SLC71A1: variants seen among roughly 807,000 people sequenced by gnomAD.
SLC71A1 encodes the protein hippocampus abundant gene transcript 1.
At chr1:100,048,643 C>A in the SLC71A1 span, among the ~76,000 whole-genome samples, 1 of 152,140 alleles carries the variant, frequency 6.6e-6, no homozygotes, top group Admixed American at 6.5e-5. Flanking sequence ...TTTTCTTTAT[C>A]AAAGAAGAAA....
chr1:100,073,693 TACTC>T, the SLC71A1 span, among the ~76,000 whole-genome samples: 9 of 152,336 alleles, frequency 5.9e-5, no homozygotes, highest in South Asian at 6.2e-4. Flanking sequence ...TACTTTGACT[TACTC>T]ACCCATGCGT....
chr1:100,078,593 G>A, the SLC71A1 span: 3 of 1,310,914 alleles, frequency 2.3e-6, no homozygotes, highest in Non-Finnish European at 3.3e-6. Flanking sequence ...AGTACAGAAT[G>A]TTCTAATCCT....
At chr1:100,077,119 A>AAT in the SLC71A1 span, 1 of 910,410 alleles carries the variant, frequency 1.1e-6, no homozygotes, top group Non-Finnish European at 1.7e-6. Context: ...GAAAGAAGTC[A>AAT]CTTTTTAAAA....
chr1:100,038,159 T>C, the SLC71A1 span: 1 of 1,321,386 alleles, frequency 7.6e-7, no homozygotes, highest in Non-Finnish European at 1.1e-6. Context: ...GCAGTAGTGG[T>C]GGGACGGCAC....
chr1:100,062,119 G>A, the SLC71A1 span: 6 of 502,408 alleles, frequency 1.2e-5, no homozygotes, highest in African/African-American at 1.2e-4. Context: ...GCGGTATGAG[G>A]CTATGTAAGT....
the SLC71A1 span, among the ~76,000 whole-genome samples, chr1:100,057,198 T>C: frequency 6.6e-6 from 1 of 152,316 alleles, no homozygotes; most frequent in East Asian, 1.9e-4. Context: ...CACTTTGGCT[T>C]TGGCTGCCTG....
chr1:100,055,871 G>A, the SLC71A1 span, among the ~76,000 whole-genome samples: 306 of 152,204 alleles, frequency 2.0e-3, 2 homozygotes, highest in African/African-American at 6.8e-3. Context: ...TCCTGCCTCA[G>A]CCTCCCAAGT....
At chr1:100,049,685 G>C in the SLC71A1 span, among the ~76,000 whole-genome samples, 20 of 152,120 alleles carry the variant, frequency 1.3e-4, no homozygotes, top group African/African-American at 4.8e-4. Context: ...CTTGGACTCT[G>C]TATGTTCCAA....
At chr1:100,055,155 C>G in the SLC71A1 span, among the ~76,000 whole-genome samples, 1 of 152,130 alleles carries the variant, frequency 6.6e-6, no homozygotes, top group African/African-American at 2.4e-5. Flanking sequence ...TTCATTCTTT[C>G]TAACACCAAA....
the SLC71A1 span, among the ~76,000 whole-genome samples, chr1:100,047,445 G>A: frequency 0.013 from 2,039 of 152,132 alleles, 18 homozygotes; most frequent in Middle Eastern, 0.058. Flanking sequence ...TTTTTGAGAC[G>A]GAGTTTTGCT....
chr1:100,064,772 G>C, the SLC71A1 span, among the ~76,000 whole-genome samples: 1 of 150,056 alleles, frequency 6.7e-6, no homozygotes, highest in South Asian at 2.1e-4. Flanking sequence ...CCCCCAGGCT[G>C]GAGTGCAGTG....
chr1:100,043,397 A>G, the SLC71A1 span, among the ~76,000 whole-genome samples: 1 of 152,150 alleles, frequency 6.6e-6, no homozygotes, highest in Non-Finnish European at 1.5e-5. Context: ...CAAAATTTCC[A>G]GTACTTTATA....
the SLC71A1 span, chr1:100,080,491 T>C: frequency 3.7e-6 from 6 of 1,612,034 alleles, no homozygotes; most frequent in East Asian, 4.5e-5. Context: ...GTTTAAACAA[T>C]GTAGGTGTCG....
chr1:100,078,702 T>G, the SLC71A1 span: 1 of 565,628 alleles, frequency 1.8e-6, no homozygotes, highest in African/African-American at 1.9e-5. Context: ...TTCTAGGGTA[T>G]TTATCCTTAG....
chr1:100,068,541 AC>A, the SLC71A1 span: 1 of 1,613,822 alleles, frequency 6.2e-7, no homozygotes, highest in Non-Finnish European at 8.5e-7. Context: ...TCTCCTACCT[AC>A]CGGAGGCAGG....
the SLC71A1 span, chr1:100,067,832 A>G: frequency 1.4e-5 from 10 of 694,320 alleles, no homozygotes; most frequent in East Asian, 5.4e-5. Flanking sequence ...CCCACAAGAA[A>G]AAAAGATAAA....
chr1:100,060,283 G>A, the SLC71A1 span, among the ~76,000 whole-genome samples: 9 of 152,002 alleles, frequency 5.9e-5, no homozygotes, highest in Non-Finnish European at 8.8e-5. Flanking sequence ...AATATTTTGG[G>A]GACTGGATAG....
At chr1:100,052,511 A>G in the SLC71A1 span, among the ~76,000 whole-genome samples, 1 of 139,364 alleles carries the variant, frequency 7.2e-6, no homozygotes. Flanking sequence ...GGCTCACTGC[A>G]TCCCCCACCT....
At chr1:100,043,884 T>C in the SLC71A1 span, among the ~76,000 whole-genome samples, 15 of 152,394 alleles carry the variant, frequency 9.8e-5, no homozygotes, top group African/African-American at 3.4e-4. Flanking sequence ...AAAGACATTA[T>C]TTCATTCCTT....
Sources: allele counts gnomAD v4.1 joint callset (sites outside exome capture counted in the v4.1 genomes callset), GRCh38; gene constraint gnomAD v4.1.1; transcripts MANE v1.5; gene names NCBI Gene and HGNC (gene_info 2026-07-23, HGNC 2026-07-21).